Variants in DST observed in about 807,000 individuals in gnomAD.
DST encodes dystonin, also known as bullous pemphigoid antigen.
A neutral mutation model predicts 875.2 loss-of-function variants in DST; 253 were observed. The ratio of observed to expected loss-of-function variants is 0.29; its 90% CI spans 0.26 to 0.32. The LOEUF (loss-of-function observed/expected upper bound fraction) is 0.32. DST is among the 10% of genes least tolerant of loss of function. The probability of loss-of-function intolerance (pLI) is 1.00; values close to 1 mark genes in which losing one functional copy is unlikely to be tolerated. For synonymous variants in DST, 3,124 were observed against 3,197.1 expected (o/e 0.98, Z 0.77); for missense variants, 8,287 against 9,111.6 (o/e 0.91, Z 3.68).
intron 4 of DST, among the ~76,000 whole-genome samples, chr6:56,809,560 T>C (rs900516644): frequency 6.6e-6 from 1 of 152,214 alleles, no homozygotes; most frequent in African/African-American, 2.4e-5. Flanking sequence ...CTATCTCTCA[T>C]AGTTCTACCT....
Position 56,582,732 on chromosome 6 carries a change from C to T in DST, c.12904-3795G>A, listed in dbSNP as rs1019501570. The stretch of plus-strand genomic sequence containing the variant: ...TTAGCATTAGGTATATCTCCTAATG[C>T]TATCTCTCCCCCCTACCCCCACCCC... On this transcript the variant is annotated intron_variant, in intron 49 of 103. Coordinates refer to ENST00000680361, the MANE Select transcript of DST (RefSeq NM_001374736.1). Among the ~76,000 whole-genome samples, 22 of 152,088 alleles carry T rather than the reference C, an allele frequency of 1.4e-4. No individual in the cohort carries two copies. In the East Asian group the frequency reaches 4.3e-3, roughly 29 times the overall value.
At chr6:56,715,855 GAA>G (rs1259568343) in intron 5 of DST, among the ~76,000 whole-genome samples, 1 of 152,120 alleles carries the variant, frequency 6.6e-6, no homozygotes, top group African/African-American at 2.4e-5. Context: ...CATTTCCCCT[GAA>G]AATCATTTAT....
At chr6:56,688,584 A>T (rs1384074757) in intron 9 of DST, among the ~76,000 whole-genome samples, 2 of 152,194 alleles carry the variant, frequency 1.3e-5, no homozygotes, top group African/African-American at 4.8e-5. Flanking sequence ...ACTTTAGGCC[A>T]CTGCACTATT....
At chr6:56,602,408 T>G (rs772561247) in intron 43 of DST, among the ~76,000 whole-genome samples, 1 of 151,944 alleles carries the variant, frequency 6.6e-6, no homozygotes, top group Non-Finnish European at 1.5e-5. Flanking sequence ...AACAGGTATA[T>G]CATATAGCCT....
In DST at chr6:56,670,779, G is replaced by A. The variant is rs1199173298; in HGVS notation, c.1076C>T (p.Ser359Leu). Residue 359 changes from serine to leucine, a missense_variant, in exon 10 of 104, where the codon TCA (serine) becomes TTA (leucine). Coordinates refer to ENST00000680361, the MANE Select transcript of DST (RefSeq NM_001374736.1). ...TCTCTCTTTTGCAGACATATCCTCTGACTCTCCAGTAACATGGATATCAGA... is the reference window on the plus strand; with the variant it reads ...TCTCTCTTTTGCAGACATATCCTCTAACTCTCCAGTAACATGGATATCAGA... The part of the protein sequence containing the change: ...QISDIHVTGE[S>L]EDMSAKERLL... 1 of 1,604,288 alleles carries A rather than the reference G, an allele frequency of 6.2e-7. No individual in the cohort carries two copies. The highest frequency in any genetic ancestry group is 8.5e-7 in the Non-Finnish European group (1 of 1,175,502).
At chr6:56,818,811 T>C (rs1198801016) in intron 4 of DST, among the ~76,000 whole-genome samples, 3 of 152,144 alleles carry the variant, frequency 2.0e-5, no homozygotes, top group Non-Finnish European at 4.4e-5. Context: ...AGCAATACTA[T>C]TACCTTTTAG....
At chr6:56,594,714 A>G (rs564343538) in intron 47 of DST, among the ~76,000 whole-genome samples, 3 of 151,830 alleles carry the variant, frequency 2.0e-5, no homozygotes, top group Non-Finnish European at 4.4e-5. Context: ...GAGAAGCCCA[A>G]TGGACATTAG....
At chr6:56,487,654 A>C (rs901985994) in intron 86 of DST, among the ~76,000 whole-genome samples, 2 of 152,210 alleles carry the variant, frequency 1.3e-5, no homozygotes, top group Admixed American at 1.3e-4. Flanking sequence ...GCATCTGTAT[A>C]GTCTTTCTAC....
chr6:56,871,776 T>TAAAAAAAAA (rs746142378), intron 3 of DST: 2 of 95,510 alleles, frequency 2.1e-5, no homozygotes, highest in African/African-American at 4.4e-5. Context: ...CAATTAAAAG[T>TAAAAAAAAA]AAAAAAAAAA....
chr6:56,706,355 A>G (rs1034716340), intron 5 of DST, among the ~76,000 whole-genome samples: 1 of 152,106 alleles, frequency 6.6e-6, no homozygotes, highest in African/African-American at 2.4e-5. Context: ...AAACCTGTAA[A>G]TAACCAAATA....
chr6:56,683,216 G>C lies in DST; in HGVS notation c.1048-12409C>G, dbSNP rs576337422. On this transcript the variant is annotated intron_variant, in intron 9 of 103. Coordinates refer to ENST00000680361, the MANE Select transcript of DST (RefSeq NM_001374736.1). Reference sequence around the variant, plus strand: ...CAAGGCAACTATTATCTCTAGTCTAGATTGTTACCACTAGTCTGGAATGTC... The same window carrying C: ...CAAGGCAACTATTATCTCTAGTCTACATTGTTACCACTAGTCTGGAATGTC... Among the ~76,000 whole-genome samples, 195 of 152,210 alleles carry C rather than the reference G, an allele frequency of 1.3e-3. 1 individual carries two copies. Among genetic ancestry groups the C allele is most frequent in the Non-Finnish European group, 4.4e-4 (30 of 67,998 alleles).
chr6:56,862,893 G>C (rs900656642), intron 3 of DST, among the ~76,000 whole-genome samples: 1 of 152,146 alleles, frequency 6.6e-6, no homozygotes, highest in African/African-American at 2.4e-5. Flanking sequence ...TAATAGTGGG[G>C]AGACAGAGAA....
At chr6:56,697,447 G>A (rs1459854170) in intron 9 of DST, among the ~76,000 whole-genome samples, 1 of 152,114 alleles carries the variant, frequency 6.6e-6, no homozygotes, top group Non-Finnish European at 1.5e-5. Context: ...GAATCAGGCA[G>A]CCCCCAAACC....
chr6:56,630,923 C>G (rs1450417711), intron 30 of DST, among the ~76,000 whole-genome samples: 2 of 151,804 alleles, frequency 1.3e-5, no homozygotes, highest in African/African-American at 4.8e-5. Context: ...GCTGGGACTA[C>G]AGACGCTTAC....
At chr6:56,739,995 G>A (rs1407801219) in intron 4 of DST, among the ~76,000 whole-genome samples, 1 of 152,140 alleles carries the variant, frequency 6.6e-6, no homozygotes, top group Non-Finnish European at 1.5e-5. Flanking sequence ...CTGAGTAGCT[G>A]GGATCACAGG....
intron 5 of DST, among the ~76,000 whole-genome samples, chr6:56,707,516 G>A (rs1019525452): frequency 6.6e-6 from 1 of 152,198 alleles, no homozygotes; most frequent in African/African-American, 2.4e-5. Context: ...CAGAAGGACA[G>A]TAGAATCCAA....
chr6:56,933,652 C>A (rs1365760007), intron 2 of DST, among the ~76,000 whole-genome samples: 5 of 151,984 alleles, frequency 3.3e-5, no homozygotes, highest in Non-Finnish European at 4.4e-5. Context: ...GCAACAACAA[C>A]AAAAAAGTAG....
chr6:56,459,243 G>A lies in DST; in HGVS notation c.23219C>T (p.Pro7740Leu), dbSNP rs1024673310. The A allele has an allele frequency of 1.9e-6, 3 of 1,612,756 alleles. No homozygotes were observed. Among genetic ancestry groups the A allele is most frequent in the Non-Finnish European group, 2.5e-6 (3 of 1,179,310 alleles). Residue 7740 changes from proline to leucine, a missense_variant, in exon 104 of 104, where the codon CCA becomes CTA. Pro to Leu is a moderately conservative substitution (Grantham distance 98, BLOSUM62 -3). Around this residue, in one of 10 missense-constraint regions of DST, gnomAD observed 240 missense variants for 237.3 expected, o/e 1.01. Coordinates refer to ENST00000680361, the MANE Select transcript of DST (RefSeq NM_001374736.1). The part of the protein sequence containing the change: ...FADSKKTPSR[P>L]GSRAGSKAGS... The stretch of plus-strand genomic sequence containing the variant: ...AGCTTTGCTTCCAGCTCGACTTCCT[G>A]GTCGGCTGGGAGTCTTCTTGGAATC...
intron 82 of DST, among the ~76,000 whole-genome samples, chr6:56,494,555 C>T (rs1303552215): frequency 6.6e-6 from 1 of 152,048 alleles, no homozygotes; most frequent in Non-Finnish European, 1.5e-5. Flanking sequence ...GAGAGGCTCT[C>T]GTAGATCCCT....
Sources: gnomAD v4.1 joint callset for allele counts (sites outside exome capture counted in the v4.1 genomes callset) on GRCh38, gnomAD v4.1.1 for gene constraint, gnomAD v4.1.1 regional missense constraint, MANE v1.5 for transcripts, NCBI Gene and HGNC (gene_info 2026-07-23, HGNC 2026-07-21) for gene names.